The following RBFOX1 variants were observed in gnomAD, a reference collection of about 807,000 sequenced individuals.
RBFOX1 encodes RNA binding protein fox-1 homolog 1.
A neutral mutation model predicts 57.7 loss-of-function variants in RBFOX1; 8 were observed. That is an observed-to-expected ratio of 0.14 (90% CI 0.08 to 0.25). The LOEUF is 0.25. RBFOX1 is among the 10% of genes least tolerant of loss of function. RBFOX1 has a pLI of 1.00. For synonymous variants in RBFOX1, 326 were observed against 222.4 expected, an observed-to-expected ratio of 1.47 and a Z score of -4.15; for missense variants, 611 against 548.5, an observed-to-expected ratio of 1.11 and a Z score of -1.14.
intron 3 of RBFOX1, among the ~76,000 whole-genome samples, chr16:6,984,989 G>A (rs1200340858): frequency 6.6e-6 from 1 of 151,344 alleles, no homozygotes; most frequent in Non-Finnish European, 1.5e-5. Context: ...AATCAGGAGG[G>A]AGGGCTCCTT....
At chr16:5,745,848 A>T (rs184830041) in intron 3 of RBFOX1, among the ~76,000 whole-genome samples, 267 of 152,326 alleles carry the variant, frequency 1.8e-3, no homozygotes, top group Middle Eastern at 6.8e-3. Flanking sequence ...CCCCTTTGGC[A>T]GATGAGTAGA....
chr16:5,588,097 A>G (rs1286937836), intron 2 of RBFOX1, among the ~76,000 whole-genome samples: 1 of 152,216 alleles, frequency 6.6e-6, no homozygotes, highest in African/African-American at 2.4e-5. Context: ...TGAGAGAAAG[A>G]AGCCAGGCAC....
At chr16:6,419,999 C>CT (rs1193831995) in intron 2 of RBFOX1, among the ~76,000 whole-genome samples, 2 of 152,144 alleles carry the variant, frequency 1.3e-5, no homozygotes, top group Non-Finnish European at 2.9e-5. Flanking sequence ...TTTCACTGAG[C>CT]TGTTAAAAAT....
chr16:7,709,896 A>G, intron 15 of RBFOX1: 1 of 1,076,200 alleles, frequency 9.3e-7, no homozygotes, highest in Non-Finnish European at 1.1e-6. Context: ...AAGCTTTGGC[A>G]TGCAGTTTTC....
At chr16:6,848,807 C>T (rs943646561) in intron 3 of RBFOX1, among the ~76,000 whole-genome samples, 29 of 152,264 alleles carry the variant, frequency 1.9e-4, no homozygotes, top group African/African-American at 7.0e-4. Flanking sequence ...GTTTCACACT[C>T]ATGGAGGAGC....
At chr16:7,460,994 C>A (rs2059482782) in intron 4 of RBFOX1, among the ~76,000 whole-genome samples, 1 of 152,146 alleles carries the variant, frequency 6.6e-6, no homozygotes. Context: ...AGAAGCTCGA[C>A]TCCCTTGAAG....
intron 2 of RBFOX1, among the ~76,000 whole-genome samples, chr16:5,476,524 A>G (rs2069329974): frequency 6.6e-6 from 1 of 152,240 alleles, no homozygotes; most frequent in Non-Finnish European, 1.5e-5. Flanking sequence ...TCTGAAGACA[A>G]CTGCCTCAAT....
chr16:6,140,551 A>T (rs1206200823), intron 1 of RBFOX1, among the ~76,000 whole-genome samples: 2 of 152,118 alleles, frequency 1.3e-5, no homozygotes, highest in Non-Finnish European at 2.9e-5. Flanking sequence ...ATCCATTCAC[A>T]TTCCCAAGTA....
intron 1 of RBFOX1, among the ~76,000 whole-genome samples, chr16:6,136,436 GA>G (rs1567537736): frequency 6.6e-6 from 1 of 152,042 alleles, no homozygotes; most frequent in Admixed American, 6.6e-5. Flanking sequence ...GGCAATTACA[GA>G]AAAAAAGAAA....
intron 4 of RBFOX1, among the ~76,000 whole-genome samples, chr16:7,297,713 AATG>A (rs1219525825): frequency 6.6e-6 from 1 of 152,190 alleles, no homozygotes; most frequent in African/African-American, 2.4e-5. Flanking sequence ...TTGTAGTAGC[AATG>A]ATGATAATAT....
intron 3 of RBFOX1, among the ~76,000 whole-genome samples, chr16:6,665,245 T>C (rs1284032745): frequency 6.6e-6 from 1 of 152,122 alleles, no homozygotes; most frequent in Non-Finnish European, 1.5e-5. Flanking sequence ...AAGGGCGATG[T>C]CCCTCTTGTT....
chr16:6,241,059 A>G (rs1436795271), intron 1 of RBFOX1, among the ~76,000 whole-genome samples: 2 of 152,292 alleles, frequency 1.3e-5, no homozygotes, highest in African/African-American at 2.4e-5. Context: ...TGCACAAAAC[A>G]TCTTTCATAA....
At chr16:7,331,142 A>G (rs2144271060) in intron 4 of RBFOX1, among the ~76,000 whole-genome samples, 1 of 152,336 alleles carries the variant, frequency 6.6e-6, no homozygotes, top group South Asian at 2.1e-4. Flanking sequence ...AAATGCAATT[A>G]TGCAGCTAAA....
chr16:6,703,709 A>C (rs2154144228), intron 3 of RBFOX1, among the ~76,000 whole-genome samples: 1 of 151,886 alleles, frequency 6.6e-6, no homozygotes, highest in South Asian at 2.1e-4. Context: ...CCAGTTTCAA[A>C]AGAAAAAAAA....
chr16:6,614,725 G>C (rs1376514810), intron 2 of RBFOX1, among the ~76,000 whole-genome samples: 1 of 152,068 alleles, frequency 6.6e-6, no homozygotes, highest in Non-Finnish European at 1.5e-5. Flanking sequence ...TCCAGTCTCT[G>C]GCTTTATCTT....
intron 3 of RBFOX1, among the ~76,000 whole-genome samples, chr16:6,971,361 T>G (rs1362054581): frequency 6.6e-6 from 1 of 152,028 alleles, no homozygotes; most frequent in African/African-American, 2.4e-5. Context: ...CAGGAACAGA[T>G]GACTCAGCCT....
rs143799700 is a variant in RBFOX1 at position 5,404,455 on chromosome 16, C to G, written c.220-62761C>G. Among the ~76,000 whole-genome samples the G allele has an allele frequency of 1.7e-3, 254 of 152,308 alleles. 2 individuals are homozygous for G. Among genetic ancestry groups the G allele is most frequent in the African/African-American group, 5.5e-3 (230 of 41,562 alleles). On this transcript the variant is annotated intron_variant, in intron 1 of 2. Transcript: ENST00000585867. Reference sequence around the variant, plus strand: ...GGCCACTGTCACTTAGAGAAAGTTTCTCCCGATCAGTGATCTCTGTGGACT... The same window carrying G: ...GGCCACTGTCACTTAGAGAAAGTTTGTCCCGATCAGTGATCTCTGTGGACT...
At chr16:5,704,758 C>G (rs920927560) in intron 3 of RBFOX1, among the ~76,000 whole-genome samples, 2 of 152,058 alleles carry the variant, frequency 1.3e-5, no homozygotes, top group African/African-American at 2.4e-5. Flanking sequence ...TCAGCTTGGC[C>G]GGGTTACTAT....
At chr16:6,870,922 C>G (rs2060752226) in intron 3 of RBFOX1, among the ~76,000 whole-genome samples, 1 of 152,148 alleles carries the variant, frequency 6.6e-6, no homozygotes, top group Non-Finnish European at 1.5e-5. Context: ...AAAAATCAGA[C>G]TTTTTCCATT....
Sources: gnomAD v4.1 joint callset for allele counts (sites outside exome capture counted in the v4.1 genomes callset) on GRCh38, gnomAD v4.1.1 for gene constraint, MANE v1.5 for transcripts, NCBI Gene and HGNC (gene_info 2026-07-23, HGNC 2026-07-21) for gene names.